The following CELSR2 variants were observed in gnomAD, a reference collection of about 807,000 sequenced individuals.
CELSR2 encodes EGF-like protein 2.
CELSR2 carries 81 observed loss-of-function variants against 251.6 expected under a neutral mutation model. The ratio of observed to expected loss-of-function variants is 0.32; its 90% CI spans 0.27 to 0.39. The LOEUF (loss-of-function observed/expected upper bound fraction) is 0.39, where lower values mean the gene tolerates loss of function less well. Ranked by LOEUF, CELSR2 falls within the 10% of genes least tolerant of loss-of-function variation. The pLI is 1.00. For missense variants in CELSR2, 3,365 were observed against 3,947.7 expected, an observed-to-expected ratio of 0.85 and a Z score of 3.96; for synonymous variants, 1,721 against 1,670.5, an observed-to-expected ratio of 1.03 and a Z score of -0.74.
chr1:109,274,283 G>T lies in CELSR2; in HGVS notation c.*234G>T. The T allele has an allele frequency of 1.0e-6, 1 of 979,194 alleles. No individual in the cohort carries two copies. The highest frequency in any genetic ancestry group is 2.1e-5 in the South Asian group (1 of 47,312). The allele number at this position is 979,194 out of a possible 1,614,324, so 60.7% of individuals were successfully genotyped here. ...CCTCACTGCACTTTGGACCCCTGGG[G>T]CCAACATCTCCAAGACAAAGTTTTT... On this transcript the variant is annotated 3_prime_UTR_variant, in exon 34 of 34. Coordinates refer to ENST00000271332, the MANE Select transcript of CELSR2 (RefSeq NM_001408.3).
chr1:109,273,850 C>A, intron 33 of CELSR2, 172 bp from the exon 34 acceptor site: 2 of 1,061,528 alleles, frequency 1.9e-6, no homozygotes, highest in Non-Finnish European at 2.8e-6. Flanking sequence ...CGGGGAGGGC[C>A]ACCCCTCCTA....
chr1:109,270,400 T>A (rs756164192), intron 23 of CELSR2, 26 bp from the exon 24 acceptor site: 2 of 1,612,464 alleles, frequency 1.2e-6, no homozygotes, highest in Non-Finnish European at 1.7e-6. Context: ...CCCCGGTCGC[T>A]GACCTGCCCT....
chr1:109,271,047 C>A lies in CELSR2; in HGVS notation c.7596+8C>A. 7 of 1,608,764 alleles carry A rather than the reference C, an allele frequency of 4.4e-6. No individual in the cohort carries two copies. The highest frequency in any genetic ancestry group is 6.0e-6 in the Non-Finnish European group (7 of 1,175,912). On this transcript the variant is annotated splice_region_variant and intron_variant, in intron 25 of 33. Coordinates refer to ENST00000271332, the MANE Select transcript of CELSR2 (RefSeq NM_001408.3). ...GTGGCCTTTGCCGTCTCGGTGAGTG[C>A]TAGCAGGTGGGTTGGGTGTCACCTG...
chr1:109,274,028 C>A lies in CELSR2; in HGVS notation c.8751C>A (p.Leu2917=). 1 of 1,614,168 alleles carries A rather than the reference C, an allele frequency of 6.2e-7. No homozygotes were observed. The highest frequency in any genetic ancestry group is 8.5e-7 in the Non-Finnish European group (1 of 1,180,016). ...TCCTTTCCTGCCTCTCCAGATTTCT[C>A]TTCTTTAACTTCCTGCATTAACCCT... ...VDEDSSGSEF[L]FFNFLH is the part of the protein sequence containing the mutation. The change falls in exon 34 of 34, where the codon CTC becomes CTA. Residue 2917 remains leucine, a synonymous_variant. Transcript: ENST00000271332.
intron 24 of CELSR2, 132 bp from the exon 25 acceptor site, chr1:109,270,795 C>T (rs957644063): frequency 3.1e-6 from 3 of 980,592 alleles, no homozygotes; most frequent in African/African-American, 1.6e-5. Context: ...CTGGGGAGAT[C>T]GGTAGGGGCC....
rs1461260603 is a variant in CELSR2, at chr1:109,266,088, T to C, written c.5912-17T>C. Reference sequence around the variant, plus strand: ...AGGGAGAGCTGCTCCTGGGTGACCATGTGCTCTTCCCCGCAGTGAATTATG... The same window carrying C: ...AGGGAGAGCTGCTCCTGGGTGACCACGTGCTCTTCCCCGCAGTGAATTATG... On this transcript the variant is annotated splice_polypyrimidine_tract_variant and intron_variant, in intron 14 of 33. Transcript: ENST00000271332. 4 of 1,613,286 alleles carry C rather than the reference T, an allele frequency of 2.5e-6. No homozygotes were observed. Among genetic ancestry groups the C allele is most frequent in the East Asian group, 2.2e-5 (1 of 44,868 alleles).
At position 109,271,494 on chromosome 1, in the gene CELSR2, T is replaced by C. The variant is rs1306036227; in HGVS notation, c.7785T>C (p.Ala2595=). Residue 2595 remains alanine, a synonymous_variant, in exon 27 of 34, where the codon GCT becomes GCC. Transcript: ENST00000271332. Reference sequence around the variant, plus strand: ...CCCTCCTCTTCCACTACCTCTTTGCTACCTGCAATTGCATCCAGGTACCTG... The same window carrying C: ...CCCTCCTCTTCCACTACCTCTTTGCCACCTGCAATTGCATCCAGGTACCTG... ...SDTLLFHYLF[A]TCNCIQGPFI... 1.9e-6 allele frequency: 3 copies of C among 1,614,150 alleles called. No homozygotes were observed. In the South Asian group the frequency reaches 3.3e-5, roughly 18 times the overall value.
chr1:109,254,608 C>T (rs896739392), intron 1 of CELSR2, among the ~76,000 whole-genome samples: 2 of 152,120 alleles, frequency 1.3e-5, no homozygotes, highest in East Asian at 3.9e-4. Flanking sequence ...AGGCAGCCTT[C>T]AAATCCATCA....
At position 109,274,120 on chromosome 1, in the gene CELSR2, T is replaced by G. The variant is rs1656457668; in HGVS notation, c.*71T>G. On this transcript the variant is annotated 3_prime_UTR_variant, in exon 34 of 34. Transcript: ENST00000271332. ...GCCGCACTCATGCCCTGCTCCTGTCTTGTGCTTTATCCTGCCCCGCTCCCC... is the reference window on the plus strand; with the variant it reads ...GCCGCACTCATGCCCTGCTCCTGTCGTGTGCTTTATCCTGCCCCGCTCCCC... 1 of 1,612,764 alleles carries G rather than the reference T, an allele frequency of 6.2e-7. No individual in the cohort carries two copies. The highest frequency in any genetic ancestry group is 8.5e-7 in the Non-Finnish European group (1 of 1,179,914).
intron 15 of CELSR2, chr1:109,266,583 TTG>T (rs1491311604): frequency 0.01 from 1,599 of 157,132 alleles, 9 homozygotes; most frequent in African/African-American, 0.038. Context: ...TTTTTTTTTT[TTG>T]TATTTTTAGT....
chr1:109,270,708 C>G (rs1656347764), intron 24 of CELSR2, 108 bp downstream of exon 24: 2 of 1,391,596 alleles, frequency 1.4e-6, no homozygotes, highest in Admixed American at 4.0e-5. Context: ...CCCCATGCCC[C>G]AGGCCGCCTT....
In CELSR2 at chr1:109,269,222, C is replaced by A; in HGVS notation, c.6744C>A (p.Ser2248Arg). The A allele has an allele frequency of 6.2e-7, 1 of 1,612,798 alleles. No homozygotes were observed. ...PELSQGEAVA[S>R]VIIYRTLAGL... ...TGAGCCAGGGTGAGGCTGTGGCCAG[C>A]GTCATCATCTACCGCACCCTGGCCG... Residue 2248 changes from serine (S) to arginine (R), a missense_variant, in exon 20 of 34, where the codon AGC (serine) becomes AGA (arginine). Ser to Arg is a moderately radical substitution (Grantham distance 110, BLOSUM62 -1). This residue lies in a region of CELSR2 where 2,093 missense variants were observed against 2,382.8 expected (regional missense o/e 0.88). Coordinates refer to ENST00000271332, the MANE Select transcript of CELSR2 (RefSeq NM_001408.3). This position sits in a 1 kb window ranked among gnomAD's most constrained non-coding sequence, Gnocchi z 6.4.
rs756515871 is a variant in CELSR2, at chr1:109,261,490, C to T, written c.4182-23C>T. 3.1e-6 allele frequency: 5 copies of T among 1,603,690 alleles called. No individual in the cohort carries two copies. Among genetic ancestry groups the T allele is most frequent in the South Asian group, 1.1e-5 (1 of 90,894 alleles). On this transcript the variant is annotated intron_variant, in intron 3 of 33. Coordinates refer to ENST00000271332, the MANE Select transcript of CELSR2 (RefSeq NM_001408.3). The surrounding 1 kb of genome is among the most constrained non-coding windows in gnomAD (Gnocchi z 4.8). ...TCCAGGTGGGTACCCCATTCCCTGC[C>T]CCCATCCCCAACTCCTGTTCAGGTT...
chr1:109,270,894 C>A, intron 24 of CELSR2, 33 bp from the exon 25 acceptor site: 1 of 1,511,880 alleles, frequency 6.6e-7, no homozygotes, highest in Non-Finnish European at 9.1e-7. Context: ...CCTCATCACC[C>A]CTCCACTGCT....
chr1:109,265,632 C>T (rs1219824060), intron 13 of CELSR2, 103 bp from the exon 14 acceptor site: 6 of 1,402,108 alleles, frequency 4.3e-6, no homozygotes, highest in Admixed American at 4.4e-5. Flanking sequence ...CTGAGGGGAC[C>T]TGAGGTCGGG....
Position 109,263,480 on chromosome 1 carries a change from C to T in CELSR2, c.4835-131C>T, listed in dbSNP as rs79726060. 41 of 1,414,812 alleles carry T rather than the reference C, an allele frequency of 2.9e-5. No homozygotes were observed. The Admixed American group carries it at 5.9e-4, about 20-fold the overall frequency. The allele number at this position is 1,414,812 out of a possible 1,614,324, so 87.6% of individuals were successfully genotyped here. ...GCGTGGGGCGGTCCCAGGGCAGGTACGCACTTTGGAGGGCGGGGCTGATGA... is the reference window on the plus strand; with the variant it reads ...GCGTGGGGCGGTCCCAGGGCAGGTATGCACTTTGGAGGGCGGGGCTGATGA... On this transcript the variant is annotated intron_variant, in intron 8 of 33. Transcript: ENST00000271332.
Position 109,272,510 on chromosome 1 carries a change from C to A in CELSR2, c.8054+105C>A, listed in dbSNP as rs951775888. 1.4e-5 allele frequency: 21 copies of A among 1,509,490 alleles called. No individual in the cohort carries two copies. The Admixed American group carries it at 3.1e-4, about 22-fold the overall frequency. The allele number at this position is 1,509,490 out of a possible 1,614,324, so 93.5% of individuals were successfully genotyped here. ...GTTGAGGAGCACACACTGTGGCTGA[C>A]GTGGGGGCCAGCTTGGATTAGAAGC... On this transcript the variant is annotated intron_variant, in intron 29 of 33. Coordinates refer to ENST00000271332, the MANE Select transcript of CELSR2 (RefSeq NM_001408.3).
At chr1:109,262,533 C>G (rs1297890006) in intron 6 of CELSR2, 89 bp downstream of exon 6, 2 of 1,527,554 alleles carry the variant, frequency 1.3e-6, no homozygotes, top group East Asian at 4.6e-5. Context: ...TTTGGGGTCT[C>G]TCTCCCTTTG....
chr1:109,263,665 T>C lies in CELSR2; in HGVS notation c.4889T>C (p.Leu1630Pro), dbSNP rs1656094338. 6.2e-7 allele frequency: 1 copy of C among 1,613,916 alleles called. No homozygotes were observed. Among genetic ancestry groups the C allele is most frequent in the Non-Finnish European group, 8.5e-7 (1 of 1,179,984 alleles). ...LGSSLVAWHG[L>P]SLPISQPWYL... ...AGCAGCCTGGTGGCCTGGCATGGCC[T>C]CTCGCTGCCCATCTCCCAACCCTGG... The change falls in exon 9 of 34, where the codon CTC becomes CCC. Residue 1630 changes from leucine (L) to proline (P), a missense_variant. Leu to Pro is a moderately conservative substitution (Grantham distance 98). Around this residue, in one of 5 missense-constraint regions of CELSR2, gnomAD observed 2,093 missense variants for 2,382.8 expected, o/e 0.88. Transcript: ENST00000271332.
Sources: allele counts gnomAD v4.1 joint callset (sites outside exome capture counted in the v4.1 genomes callset), GRCh38; gene constraint gnomAD v4.1.1; regional missense constraint gnomAD v4.1.1; non-coding constraint Gnocchi (gnomAD v3.1); transcripts MANE v1.5; gene names NCBI Gene and HGNC (gene_info 2026-07-23, HGNC 2026-07-21).